The following MGAT4C variants were observed in gnomAD, a reference collection of about 807,000 sequenced individuals.
MGAT4C encodes the protein alpha-1,3-mannosyl-glycoprotein 4-beta-N-acetylglucosaminyltransferase C.
A neutral mutation model predicts 40.1 loss-of-function variants in MGAT4C; 19 were observed. The ratio of observed to expected loss-of-function variants is 0.47; its 90% CI spans 0.33 to 0.70. The LOEUF (loss-of-function observed/expected upper bound fraction) is 0.70. Ranked by LOEUF, MGAT4C falls within the 30% of genes least tolerant of loss-of-function variation. MGAT4C has a pLI of 0.02. For synonymous variants in MGAT4C, 181 were observed against 187.1 expected (o/e 0.97, Z 0.27); for missense variants, 491 against 563.2 (o/e 0.87, Z 1.30).
chr12:86,231,128 G>A (rs1259360057), intron 1 of MGAT4C, among the ~76,000 whole-genome samples: 2 of 151,968 alleles, frequency 1.3e-5, no homozygotes, highest in Non-Finnish European at 2.9e-5. Flanking sequence ...AGAAATCTGT[G>A]GAGATTATAA....
intron 2 of MGAT4C, among the ~76,000 whole-genome samples, chr12:86,571,870 C>T (rs1201035451): frequency 6.6e-6 from 1 of 152,042 alleles, no homozygotes; most frequent in African/African-American, 2.4e-5. Flanking sequence ...TTTTCAGAAG[C>T]CCTTTTAAGA....
chr12:86,836,495 A>T (rs1265237833), intron 1 of MGAT4C, among the ~76,000 whole-genome samples: 1 of 152,062 alleles, frequency 6.6e-6, no homozygotes, highest in Non-Finnish European at 1.5e-5. Flanking sequence ...ATAAAATGAA[A>T]TTATGGTAAT....
chr12:86,778,831 C>T (rs1448322971), intron 1 of MGAT4C, among the ~76,000 whole-genome samples: 1 of 151,802 alleles, frequency 6.6e-6, no homozygotes, highest in East Asian at 1.9e-4. Context: ...TAATATAATA[C>T]AAAGACAAAT....
At chr12:86,185,112 A>G (rs1366800517) in intron 1 of MGAT4C, among the ~76,000 whole-genome samples, 1 of 152,134 alleles carries the variant, frequency 6.6e-6, no homozygotes, top group African/African-American at 2.4e-5. Flanking sequence ...CCGACTCTGG[A>G]ATAACAAATA....
At chr12:86,455,489 A>G (rs2136290666) in intron 2 of MGAT4C, among the ~76,000 whole-genome samples, 1 of 152,218 alleles carries the variant, frequency 6.6e-6, no homozygotes, top group South Asian at 2.1e-4. Context: ...ATTTCTGAAA[A>G]TACAGAAATT....
chr12:86,727,321 A>G (rs1950838266), intron 1 of MGAT4C: 1 of 152,152 alleles, frequency 6.6e-6, no homozygotes. Context: ...ACAGCTATGT[A>G]AAAATTAGGT....
intron 1 of MGAT4C, among the ~76,000 whole-genome samples, chr12:86,798,893 A>G (rs549361342): frequency 7.2e-5 from 11 of 151,966 alleles, no homozygotes; most frequent in African/African-American, 2.6e-4. Flanking sequence ...TAAGAAGCAA[A>G]TGATGTAAGA....
At chr12:86,726,871 C>A (rs1950830068) in intron 2 of MGAT4C, among the ~76,000 whole-genome samples, 1 of 152,054 alleles carries the variant, frequency 6.6e-6, no homozygotes, top group African/African-American at 2.4e-5. Flanking sequence ...AAAAATATTT[C>A]TTCTGTACAC....
chr12:86,676,910 T>C (rs1352304457), intron 2 of MGAT4C, among the ~76,000 whole-genome samples: 1 of 152,122 alleles, frequency 6.6e-6, no homozygotes, highest in Non-Finnish European at 1.5e-5. Flanking sequence ...GAAACATAAA[T>C]ATTTAAAAGG....
chr12:86,100,753 C>T (rs1164642260), intron 1 of MGAT4C, among the ~76,000 whole-genome samples: 1 of 151,460 alleles, frequency 6.6e-6, no homozygotes, highest in East Asian at 1.9e-4. Flanking sequence ...AATACTGTCA[C>T]TTCCAGACAA....
intron 1 of MGAT4C, among the ~76,000 whole-genome samples, chr12:86,158,670 G>A (rs1885254636): frequency 6.6e-6 from 1 of 151,922 alleles, no homozygotes; most frequent in South Asian, 2.1e-4. Context: ...AAACAATGAA[G>A]GTCATATGTA....
At chr12:86,531,199 T>C (rs1958975983) in intron 2 of MGAT4C, among the ~76,000 whole-genome samples, 1 of 152,112 alleles carries the variant, frequency 6.6e-6, no homozygotes, top group Admixed American at 6.6e-5. Context: ...GATATGACAG[T>C]CTTTGTGTTG....
At chr12:86,217,067 A>C (rs957112927) in intron 1 of MGAT4C, among the ~76,000 whole-genome samples, 1 of 152,200 alleles carries the variant, frequency 6.6e-6, no homozygotes, top group Non-Finnish European at 1.5e-5. Flanking sequence ...CAAAAATTGA[A>C]AATTATGGCT....
chr12:86,392,864 A>G (rs1445054665), intron 3 of MGAT4C, among the ~76,000 whole-genome samples: 1 of 152,234 alleles, frequency 6.6e-6, no homozygotes, highest in Admixed American at 6.5e-5. Flanking sequence ...TTTGTACACT[A>G]TAAACAATCA....
At chr12:86,387,898 G>T (rs1386734122) in intron 3 of MGAT4C, among the ~76,000 whole-genome samples, 1 of 152,054 alleles carries the variant, frequency 6.6e-6, no homozygotes, top group Non-Finnish European at 1.5e-5. Flanking sequence ...TATCTGAAAG[G>T]CACTATGACA....
chr12:86,423,025 T>C (rs1174127229), intron 3 of MGAT4C, among the ~76,000 whole-genome samples: 1 of 152,146 alleles, frequency 6.6e-6, no homozygotes, highest in Non-Finnish European at 1.5e-5. Flanking sequence ...ATCAGAATAA[T>C]ATGGGCTTTT....
rs535188819 is a variant in MGAT4C at position 86,078,110 on chromosome 12, C to T, written c.-56-28387G>A. On this transcript the variant is annotated intron_variant, in intron 1 of 4. Coordinates refer to ENST00000611864, the MANE Select transcript of MGAT4C (RefSeq NM_001351288.2). Reference sequence around the variant, plus strand: ...ATGGTGAGTGGTGCCACTTACACCTCCACCCCTTGATTCCTGGACCCATAA... The same window carrying T: ...ATGGTGAGTGGTGCCACTTACACCTTCACCCCTTGATTCCTGGACCCATAA... Among the ~76,000 whole-genome samples, 43 of 152,190 alleles carry T rather than the reference C, an allele frequency of 2.8e-4. 2 individuals are homozygous for T. The South Asian group carries it at 8.9e-3, about 32-fold the overall frequency.
At chr12:86,346,056 T>C (rs767165967) in intron 3 of MGAT4C, among the ~76,000 whole-genome samples, 4 of 152,158 alleles carry the variant, frequency 2.6e-5, no homozygotes, top group Non-Finnish European at 5.9e-5. Flanking sequence ...AAAGGGATTT[T>C]AGTGGTTAAT....
intron 1 of MGAT4C, among the ~76,000 whole-genome samples, chr12:86,230,101 C>T (rs529634044): frequency 1.3e-5 from 2 of 152,162 alleles, no homozygotes; most frequent in African/African-American, 4.8e-5. Context: ...TATGTGTCTA[C>T]ATCCTATGAT....
Sources: gnomAD v4.1 joint callset for allele counts (sites outside exome capture counted in the v4.1 genomes callset) on GRCh38, gnomAD v4.1.1 for gene constraint, MANE v1.5 for transcripts, NCBI Gene and HGNC (gene_info 2026-07-23, HGNC 2026-07-21) for gene names.